LILRB1: variants seen among roughly 807,000 people sequenced by gnomAD.
The protein encoded by LILRB1 is leukocyte immunoglobulin like receptor B1, also known as leukocyte immunoglobulin-like receptor subfamily B member 1.
A neutral mutation model predicts 74.6 loss-of-function variants in LILRB1; 59 were observed. The observed-to-expected ratio is 0.79, with a 90% CI of 0.64 to 0.98. The LOEUF (loss-of-function observed/expected upper bound fraction) is 0.98, where lower values mean the gene tolerates loss of function less well. Among genes scored for constraint, LILRB1 ranks in the 50% least tolerant of loss-of-function variants. The pLI is 0.00. For synonymous variants in LILRB1, 328 were observed against 333.9 expected, an observed-to-expected ratio of 0.98 and a Z score of 0.19; for missense variants, 804 against 822.6, an observed-to-expected ratio of 0.98 and a Z score of 0.28.
At chr19:54,633,745 G>A (rs564180929) in intron 8 of LILRB1, 57 bp downstream of exon 8, 7 of 1,561,298 alleles carry the variant, frequency 4.5e-6, no homozygotes, top group African/African-American at 1.4e-5. Context: ...GGGCAGCCCT[G>A]GGTCTCCCAG....
At chr19:54,619,403 G>A (rs1189259415) in intron 1 of LILRB1, among the ~76,000 whole-genome samples, 1 of 151,826 alleles carries the variant, frequency 6.6e-6, no homozygotes, top group Non-Finnish European at 1.5e-5. Flanking sequence ...TCTACAGATG[G>A]GTCTTTGATA....
rs549274249 is a variant in LILRB1, at chr19:54,634,805, G to A, written c.1486+42G>A. ...GGGACCCTGAGGGCTGACCGAGGGT[G>A]GGCTCAGGGCACAGCCAAAGAGAAT... On this transcript the variant is annotated intron_variant, in intron 10 of 14. Transcript: ENST00000324602. 6 of 1,606,466 alleles carry A rather than the reference G, an allele frequency of 3.7e-6. No individual in the cohort carries two copies. The South Asian group carries it at 6.7e-5, about 18-fold the overall frequency.
In LILRB1 at chr19:54,637,839, G is replaced by A. The variant is rs539220657; in HGVS notation, c.*961G>A. 2.6e-5 allele frequency among the ~76,000 whole-genome samples: 4 copies of A among 152,242 alleles called. No individual in the cohort carries two copies. The highest frequency in any genetic ancestry group is 6.5e-5 in the Admixed American group (1 of 15,292). On this transcript the variant is annotated 3_prime_UTR_variant, in exon 15 of 15. Coordinates refer to ENST00000324602, the MANE Select transcript of LILRB1 (RefSeq NM_001081637.3). The stretch of plus-strand genomic sequence containing the variant: ...TTCCAAAACTAACAATGGAACAGGC[G>A]GCAAACCTATGCCAATATACTAGAA...
chr19:54,635,944 A>G, intron 13 of LILRB1: 1 of 587,122 alleles, frequency 1.7e-6, no homozygotes, highest in Non-Finnish European at 3.3e-6. Context: ...GTTCCCAGGG[A>G]GCTCACTGTG....
rs887387858 is a variant in LILRB1 at position 54,633,623 on chromosome 19, C to A, written c.1262-15C>A. 6.2e-7 allele frequency: 1 copy of A among 1,611,282 alleles called. No homozygotes were observed. Among genetic ancestry groups the A allele is most frequent in the African/African-American group, 1.3e-5 (1 of 74,582 alleles). On this transcript the variant is annotated splice_polypyrimidine_tract_variant and intron_variant, in intron 7 of 14. Transcript: ENST00000324602. ...AAGCCCCAGCTCCTCAGCCTCCTCT[C>A]ATTCTTTTACCCAGGACCGTCTGGG... is the stretch of plus-strand genomic sequence containing the variant.
In LILRB1 at chr19:54,636,914, T is replaced by G. The variant is rs1338384516; in HGVS notation, c.*36T>G. On this transcript the variant is annotated 3_prime_UTR_variant, in exon 15 of 15. Coordinates refer to ENST00000324602, the MANE Select transcript of LILRB1 (RefSeq NM_001081637.3). ...GACGCAGACCCCACACTCCATGGAG[T>G]CTGGAATGCATGGGAGCTGCCCCCC... 10 of 1,611,434 alleles carry G rather than the reference T, an allele frequency of 6.2e-6. No individual in the cohort carries two copies.
intron 1 of LILRB1, 157 bp downstream of exon 1, chr19:54,630,790 A>C: frequency 1.4e-6 from 1 of 739,272 alleles, no homozygotes; most frequent in South Asian, 1.6e-5. Flanking sequence ...CCTGGCTCTC[A>C]GTGGGATGAA....
intron 1 of LILRB1, among the ~76,000 whole-genome samples, chr19:54,624,651 T>C (rs1222343262): frequency 1.3e-5 from 2 of 152,096 alleles, no homozygotes; most frequent in Non-Finnish European, 2.9e-5. Context: ...GGGCAGGTAG[T>C]TCCCGGATCA....
rs367770060 is a variant in LILRB1, at chr19:54,632,736, G to A, written c.934G>A (p.Asp312Asn). Residue 312 changes from aspartate to asparagine, a missense_variant, in exon 6 of 15, where the codon GAC becomes AAC. Coordinates refer to ENST00000324602, the MANE Select transcript of LILRB1 (RefSeq NM_001081637.3). ...NLSSEWSAPS[D>N]PLDILIAGQF... ...CTCCTCCGAGTGGTCGGCCCCCAGC[G>A]ACCCCCTGGACATCCTGATCGCAGG... 8.7e-6 allele frequency: 14 copies of A among 1,612,152 alleles called. No individual in the cohort carries two copies. The African/African-American group carries it at 1.3e-4, about 15-fold the overall frequency.
At chr19:54,624,321 G>A (rs56364573) in intron 1 of LILRB1, among the ~76,000 whole-genome samples, 1 of 152,084 alleles carries the variant, frequency 6.6e-6, no homozygotes, top group Non-Finnish European at 1.5e-5. Context: ...TATCACACCC[G>A]TGCTCCAGGG....
intron 1 of LILRB1, among the ~76,000 whole-genome samples, chr19:54,621,876 T>C (rs917610554): frequency 6.6e-6 from 1 of 152,208 alleles, no homozygotes; most frequent in South Asian, 2.1e-4. Context: ...TGGTGGGAGA[T>C]AAAGGTCCAG....
At chr19:54,617,385 A>G (rs1387072322) in intron 1 of LILRB1, 1 of 152,144 alleles carries the variant, frequency 6.6e-6, no homozygotes, top group East Asian at 1.9e-4. Context: ...CACGCTATAG[A>G]GTTCCTAAGT....
At chr19:54,635,234 C>T (rs1386664712) in intron 11 of LILRB1, 25 bp from the exon 12 acceptor site, 5 of 1,612,320 alleles carry the variant, frequency 3.1e-6, no homozygotes, top group Middle Eastern at 1.7e-4. Context: ...ATACACTGCC[C>T]CTAAAGCTCC....
At chr19:54,634,046 G>A in intron 9 of LILRB1, 25 bp downstream of exon 9, 1 of 1,575,774 alleles carries the variant, frequency 6.3e-7, no homozygotes, top group Non-Finnish European at 8.6e-7. Flanking sequence ...CTGAGTGGGA[G>A]GTGGGCAGGG....
At chr19:54,622,290 T>C (rs997298011) in intron 1 of LILRB1, among the ~76,000 whole-genome samples, 2 of 152,224 alleles carry the variant, frequency 1.3e-5, no homozygotes, top group African/African-American at 4.8e-5. Context: ...AATATGGTCA[T>C]TTTAACAATA....
chr19:54,635,629 C>T lies in LILRB1; in HGVS notation c.1653+20C>T. The T allele has an allele frequency of 6.2e-7, 1 of 1,613,644 alleles. No individual in the cohort carries two copies. The highest frequency in any genetic ancestry group is 1.1e-5 in the South Asian group (1 of 91,056). On this transcript the variant is annotated intron_variant, in intron 13 of 14. Transcript: ENST00000324602. ...ACTCGGGTGAGACCCCACCCCTGTCCCAGGCACCAAAGGCCTCCTGGTGCC... is the reference window on the plus strand; with the variant it reads ...ACTCGGGTGAGACCCCACCCCTGTCTCAGGCACCAAAGGCCTCCTGGTGCC...
intron 13 of LILRB1, 30 bp downstream of exon 13, chr19:54,635,639 A>G: frequency 6.2e-7 from 1 of 1,609,338 alleles, no homozygotes; most frequent in Non-Finnish European, 8.5e-7. Flanking sequence ...CCAGGCACCA[A>G]AGGCCTCCTG....
intron 8 of LILRB1, 78 bp from the exon 9 acceptor site, chr19:54,633,893 C>T: frequency 3.3e-6 from 5 of 1,531,636 alleles, no homozygotes; most frequent in South Asian, 1.2e-5. Context: ...AATGTTGGGG[C>T]CCAGCCTGGG....
In LILRB1 at chr19:54,632,127, T is replaced by G; in HGVS notation, c.551T>G (p.Val184Gly). The change falls in exon 5 of 15, where the codon GTG becomes GGG. Residue 184 changes from valine (V) to glycine (G), a missense_variant. Physicochemically the swap from Val to Gly is moderately radical, Grantham distance 109 (BLOSUM62 -3). Coordinates refer to ENST00000324602, the MANE Select transcript of LILRB1 (RefSeq NM_001081637.3). Reference sequence around the variant, plus strand: ...GGGTCGTCCCGCGCCATCTTCTCCGTGGGCCCCGTGAGCCCGAGTCGCAGG... The same window carrying G: ...GGGTCGTCCCGCGCCATCTTCTCCGGGGGCCCCGTGAGCCCGAGTCGCAGG... ...ARGSSRAIFS[V>G]GPVSPSRRWW... 6.2e-7 allele frequency: 1 copy of G among 1,614,230 alleles called. No homozygotes were observed. Among genetic ancestry groups the G allele is most frequent in the South Asian group, 1.1e-5 (1 of 91,088 alleles).
Sources: gnomAD v4.1 joint callset for allele counts (sites outside exome capture counted in the v4.1 genomes callset) on GRCh38, gnomAD v4.1.1 for gene constraint, MANE v1.5 for transcripts, NCBI Gene and HGNC (gene_info 2026-07-23, HGNC 2026-07-21) for gene names.